CNTN5: variants seen among roughly 807,000 people sequenced by gnomAD.
CNTN5 encodes contactin-5.
In CNTN5, 77 loss-of-function variants were observed where a neutral mutation model predicts 129.1. The observed-to-expected ratio is 0.60, with a 90% CI of 0.50 to 0.72. CNTN5 has a LOEUF of 0.72. Ranked by LOEUF, CNTN5 falls within the 30% of genes least tolerant of loss-of-function variation. The probability of loss-of-function intolerance (pLI) is 0.00; values close to 1 mark genes in which losing one functional copy is unlikely to be tolerated. For missense variants in CNTN5, 1,478 were observed against 1,328.8 expected (o/e 1.11, Z -1.75); for synonymous variants, 509 against 465.6 (o/e 1.09, Z -1.20).
chr11:99,453,567 A>G (rs1273623626), intron 2 of CNTN5, among the ~76,000 whole-genome samples: 1 of 152,216 alleles, frequency 6.6e-6, no homozygotes, highest in East Asian at 1.9e-4. Context: ...ACCAAATGCA[A>G]TTATAGCCTA....
intron 4 of CNTN5, among the ~76,000 whole-genome samples, chr11:99,838,266 G>A (rs975174507): frequency 6.6e-6 from 1 of 152,152 alleles, no homozygotes; most frequent in Non-Finnish European, 1.5e-5. Context: ...TGCCTGAAAT[G>A]AATCGTTCTT....
At chr11:99,959,673 TA>T (rs962510841) in intron 8 of CNTN5, among the ~76,000 whole-genome samples, 3 of 152,180 alleles carry the variant, frequency 2.0e-5, no homozygotes, top group African/African-American at 7.2e-5. Flanking sequence ...CAAACGTCTA[TA>T]TTTTCAAAAA....
intron 3 of CNTN5, among the ~76,000 whole-genome samples, chr11:99,815,043 G>GC (rs11414540): frequency 0.25 from 37,649 of 151,870 alleles, 5,137 homozygotes; most frequent in Non-Finnish European, 0.32. Flanking sequence ...GGGGGAAACT[G>GC]CCCCCCTGAC....
At chr11:99,141,972 T>G (rs1180302659) in intron 1 of CNTN5, among the ~76,000 whole-genome samples, 3 of 152,208 alleles carry the variant, frequency 2.0e-5, no homozygotes, top group East Asian at 1.9e-4. Context: ...CGTTGTTTGG[T>G]GCAGTGTTCT....
chr11:99,490,646 G>A (rs1945999831), intron 2 of CNTN5, among the ~76,000 whole-genome samples: 1 of 152,160 alleles, frequency 6.6e-6, no homozygotes, highest in Admixed American at 6.5e-5. Context: ...CAGCCAACAT[G>A]AGGCTGTATT....
intron 9 of CNTN5, among the ~76,000 whole-genome samples, chr11:100,046,273 T>A (rs1262718218): frequency 6.6e-6 from 1 of 152,104 alleles, no homozygotes; most frequent in African/African-American, 2.4e-5. Flanking sequence ...CAATTATGAA[T>A]CCAGCAACCA....
At chr11:100,339,936 A>T (rs1296756535) in intron 21 of CNTN5, among the ~76,000 whole-genome samples, 1 of 152,154 alleles carries the variant, frequency 6.6e-6, no homozygotes, top group Non-Finnish European at 1.5e-5. Context: ...CCCTACCCCC[A>T]GATCCTGACA....
chr11:99,281,365 G>A (rs866674269), intron 1 of CNTN5, among the ~76,000 whole-genome samples: 3 of 151,980 alleles, frequency 2.0e-5, no homozygotes, highest in African/African-American at 7.2e-5. Context: ...TGAGGCAAGT[G>A]AGATATTCAA....
intron 2 of CNTN5, among the ~76,000 whole-genome samples, chr11:99,392,214 T>TAATAAA (rs1038888323): frequency 1.3e-5 from 2 of 151,266 alleles, no homozygotes; most frequent in Admixed American, 1.3e-4. Context: ...AATAATAAAA[T>TAATAAA]AATAAAAATA....
chr11:100,072,315 C>T (rs1943952379), intron 12 of CNTN5, among the ~76,000 whole-genome samples: 1 of 152,166 alleles, frequency 6.6e-6, no homozygotes, highest in Non-Finnish European at 1.5e-5. Context: ...CTAATACCTT[C>T]CTTACTTAAC....
intron 6 of CNTN5, among the ~76,000 whole-genome samples, chr11:99,880,432 A>AT (rs1372528965): frequency 4.6e-5 from 7 of 151,882 alleles, no homozygotes; most frequent in East Asian, 1.9e-4. Context: ...TACTCCATTC[A>AT]TTTTTTTTCA....
chr11:99,891,371 T>C (rs183322602), intron 6 of CNTN5, among the ~76,000 whole-genome samples: 1 of 152,088 alleles, frequency 6.6e-6, no homozygotes, highest in Non-Finnish European at 1.5e-5. Flanking sequence ...GGGGCACTAG[T>C]TCAGAACGTG....
intron 17 of CNTN5, among the ~76,000 whole-genome samples, chr11:100,269,023 G>C (rs1037863870): frequency 3.3e-5 from 5 of 152,142 alleles, no homozygotes. Flanking sequence ...CATGAGGCTG[G>C]ATAAATCACC....
rs529806959 is a variant in CNTN5, at chr11:99,311,248, C to T, written c.-209-14098C>T. ...AGCCTGATTAGTTTTTAAGTAGGAA[C>T]ACCATCTGGTATTCTTTCCCACTGG... On this transcript the variant is annotated intron_variant, in intron 1 of 24. Coordinates refer to ENST00000524871, the MANE Select transcript of CNTN5 (RefSeq NM_014361.4). Among the ~76,000 whole-genome samples, 8 of 152,230 alleles carry T rather than the reference C, an allele frequency of 5.3e-5. No homozygotes were observed. In the East Asian group the frequency reaches 1.4e-3, roughly 26 times the overall value.
chr11:99,716,793 T>G (rs1457026521), intron 3 of CNTN5, among the ~76,000 whole-genome samples: 5 of 152,240 alleles, frequency 3.3e-5, no homozygotes, highest in East Asian at 1.9e-4. Flanking sequence ...AAGAATATGT[T>G]AGTAGAATGC....
intron 2 of CNTN5, among the ~76,000 whole-genome samples, chr11:99,343,682 A>T (rs1532817): frequency 5.3e-5 from 8 of 152,110 alleles, no homozygotes; most frequent in Non-Finnish European, 8.8e-5. Flanking sequence ...AAATTTTTCA[A>T]GGAGCATTTT....
At chr11:99,737,938 T>C (rs1439826087) in intron 3 of CNTN5, among the ~76,000 whole-genome samples, 1 of 152,158 alleles carries the variant, frequency 6.6e-6, no homozygotes, top group East Asian at 1.9e-4. Flanking sequence ...CATAAAATCT[T>C]TGAAATTGTG....
intron 3 of CNTN5, among the ~76,000 whole-genome samples, chr11:99,722,387 A>G (rs1196228076): frequency 6.6e-6 from 1 of 152,136 alleles, no homozygotes; most frequent in African/African-American, 2.4e-5. Flanking sequence ...AGGACAGAAA[A>G]CCAAATACCA....
intron 1 of CNTN5, among the ~76,000 whole-genome samples, chr11:99,108,131 G>A (rs1857608387): frequency 2.6e-5 from 4 of 151,988 alleles, no homozygotes; most frequent in Admixed American, 2.6e-4. Context: ...TAGATTACTT[G>A]GAAGGGAGGA....
Sources: gnomAD v4.1 joint callset for allele counts (sites outside exome capture counted in the v4.1 genomes callset) on GRCh38, gnomAD v4.1.1 for gene constraint, MANE v1.5 for transcripts, NCBI Gene and HGNC (gene_info 2026-07-23, HGNC 2026-07-21) for gene names.